The following ABCC5 variants were observed in gnomAD, a reference collection of about 807,000 sequenced individuals.
The protein encoded by ABCC5 is ATP-binding cassette sub-family C member 5.
Under a neutral mutation model 160.9 loss-of-function variants are expected in ABCC5, and 61 were observed. The ratio of observed to expected loss-of-function variants is 0.38; its 90% CI spans 0.31 to 0.47. The LOEUF (loss-of-function observed/expected upper bound fraction) is 0.47. Among genes scored for constraint, ABCC5 ranks in the 20% least tolerant of loss-of-function variants. The pLI, the probability that ABCC5 is intolerant of heterozygous loss-of-function variation, is 0.99. For missense variants in ABCC5, 1,308 were observed against 1,813.3 expected, an observed-to-expected ratio of 0.72 and a Z score of 5.06; for synonymous variants, 666 against 700.6, an observed-to-expected ratio of 0.95 and a Z score of 0.78.
At chr3:183,931,112 TA>T in intron 26 of ABCC5, among the ~76,000 whole-genome samples, 1 of 152,174 alleles carries the variant, frequency 6.6e-6, no homozygotes, top group South Asian at 2.1e-4. Context: ...ATTATAACAA[TA>T]TGCTGTAATG....
intron 24 of ABCC5, among the ~76,000 whole-genome samples, chr3:183,945,297 G>A (rs1714735570): frequency 6.6e-6 from 1 of 152,218 alleles, no homozygotes; most frequent in Admixed American, 6.5e-5. Context: ...CAAGACGGAA[G>A]GGGTTCCTGG....
chr3:183,981,078 T>G (rs1232376042), intron 8 of ABCC5, among the ~76,000 whole-genome samples: 1 of 152,234 alleles, frequency 6.6e-6, no homozygotes, highest in Non-Finnish European at 1.5e-5. Flanking sequence ...ACTCAGCTCC[T>G]GATGAGGTTA....
rs759595585 is a variant in ABCC5 at position 184,017,830 on chromosome 3, C to T, written c.-56G>A. 2 of 152,516 alleles carry T rather than the reference C, an allele frequency of 1.3e-5. No homozygotes were observed. Among genetic ancestry groups the T allele is most frequent in the Non-Finnish European group, 2.9e-5 (2 of 68,264 alleles). 9.4% of individuals were successfully genotyped at this position (152,516 alleles called of 1,614,324 possible). ...GGGTGCGGCAGCAGCCATCACCTACCTGCGCCCCTGCTCCAGGACAACCGC... is the reference window on the plus strand; with the variant it reads ...GGGTGCGGCAGCAGCCATCACCTACTTGCGCCCCTGCTCCAGGACAACCGC... On this transcript the variant is annotated splice_region_variant and 5_prime_UTR_variant, in exon 1 of 30. Coordinates refer to ENST00000334444, the MANE Select transcript of ABCC5 (RefSeq NM_005688.4). The surrounding 1 kb of genome is among the most constrained non-coding windows in gnomAD (Gnocchi z 4.5).
chr3:184,000,729 A>G (rs1720683993), intron 2 of ABCC5: 1 of 152,574 alleles, frequency 6.6e-6, no homozygotes, highest in East Asian at 1.9e-4. Flanking sequence ...GTAATATGTA[A>G]TACTACATAC....
chr3:183,943,121 C>G (rs181370424), intron 24 of ABCC5, among the ~76,000 whole-genome samples: 60 of 152,344 alleles, frequency 3.9e-4, no homozygotes, highest in African/African-American at 1.2e-3. Flanking sequence ...GGCTAAGTGT[C>G]ATGGCTACTA....
rs1209056214 is a variant in ABCC5 at position 183,987,776 on chromosome 3, A to G, written c.585T>C (p.Ser195=). 1.2e-6 allele frequency: 2 copies of G among 1,614,202 alleles called. No homozygotes were observed. Residue 195 remains serine (S), a synonymous_variant, in exon 5 of 30, where the codon AGT becomes AGC. Coordinates refer to ENST00000334444, the MANE Select transcript of ABCC5 (RefSeq NM_005688.4). This position sits in a 1 kb window ranked among gnomAD's most constrained non-coding sequence, Gnocchi z 4.2. ...CLMITQLAGF[S]GPAFMVKHLL... Reference sequence around the variant, plus strand: ...AAGGATGGTTAGAACTTACTGGTCCACTGAAGCCAGCCAGCTGCGTGATCA... The same window carrying G: ...AAGGATGGTTAGAACTTACTGGTCCGCTGAAGCCAGCCAGCTGCGTGATCA...
intron 5 of ABCC5, chr3:183,984,994 G>A (rs1719077717): frequency 2.0e-6 from 2 of 982,266 alleles, no homozygotes; most frequent in Admixed American, 2.2e-5. Context: ...CTCCCAGATG[G>A]GAGGAGCAGG....
chr3:183,978,790 G>A, intron 8 of ABCC5, 139 bp from the exon 9 acceptor site: 1 of 913,328 alleles, frequency 1.1e-6, no homozygotes, highest in Non-Finnish European at 1.6e-6. Flanking sequence ...ACTAAAGCTG[G>A]TATAAAAGGC....
intron 10 of ABCC5, among the ~76,000 whole-genome samples, chr3:183,974,273 T>C (rs1718022383): frequency 6.6e-6 from 1 of 152,196 alleles, no homozygotes; most frequent in Admixed American, 6.5e-5. Flanking sequence ...GGTTGCCAGA[T>C]AAATATAAGA....
chr3:183,941,406 A>G (rs1689384306), intron 25 of ABCC5, among the ~76,000 whole-genome samples: 1 of 152,164 alleles, frequency 6.6e-6, no homozygotes, highest in Non-Finnish European at 1.5e-5. Context: ...AAAGACCTGG[A>G]GCAATGTCTT....
chr3:184,009,138 T>A (rs1254460401), intron 2 of ABCC5, among the ~76,000 whole-genome samples: 2 of 152,234 alleles, frequency 1.3e-5, no homozygotes, highest in African/African-American at 4.8e-5. Context: ...GTGCTGGGAC[T>A]ACAGGCGTGA....
intron 2 of ABCC5, among the ~76,000 whole-genome samples, chr3:183,995,864 G>A (rs1720233573): frequency 6.6e-6 from 1 of 152,080 alleles, no homozygotes; most frequent in Admixed American, 6.6e-5. Context: ...CTGGAGTGCA[G>A]TGGTGCGACC....
intron 25 of ABCC5, among the ~76,000 whole-genome samples, chr3:183,942,151 T>C (rs1021044443): frequency 1.3e-5 from 2 of 151,938 alleles, no homozygotes; most frequent in Non-Finnish European, 2.9e-5. Context: ...GCCATTCTCC[T>C]GCCTCAGCCT....
chr3:183,940,413 T>C (rs919607710), intron 25 of ABCC5, among the ~76,000 whole-genome samples: 5 of 134,872 alleles, frequency 3.7e-5, no homozygotes, highest in East Asian at 2.4e-4. Flanking sequence ...AGAGCCGAGA[T>C]TGCACCACTG....
intron 10 of ABCC5, among the ~76,000 whole-genome samples, chr3:183,974,666 T>C (rs1718062716): frequency 6.6e-6 from 1 of 152,228 alleles, no homozygotes; most frequent in Non-Finnish European, 1.5e-5. Flanking sequence ...GTATATTCCA[T>C]GCAGTATTTC....
intron 8 of ABCC5, 150 bp from the exon 9 acceptor site, chr3:183,978,801 TGAG>T (rs1718447283): frequency 1.2e-6 from 1 of 851,190 alleles, no homozygotes; most frequent in East Asian, 2.7e-5. Flanking sequence ...TATAAAAGGC[TGAG>T]GTTTGAAATG....
chr3:183,994,209 G>C (rs1166868536), intron 2 of ABCC5, among the ~76,000 whole-genome samples: 1 of 151,984 alleles, frequency 6.6e-6, no homozygotes, highest in African/African-American at 2.4e-5. Flanking sequence ...CTCACTTCTT[G>C]TTTAACTTTT....
chr3:184,008,925 C>T (rs1172234484), intron 2 of ABCC5, among the ~76,000 whole-genome samples: 2 of 152,208 alleles, frequency 1.3e-5, no homozygotes, highest in African/African-American at 4.8e-5. Flanking sequence ...GGCACAATCA[C>T]AGCTTACTGT....
At chr3:183,925,201 T>C (rs1322472880) in intron 29 of ABCC5, among the ~76,000 whole-genome samples, 1 of 152,170 alleles carries the variant, frequency 6.6e-6, no homozygotes, top group Non-Finnish European at 1.5e-5. Context: ...GGGATGATAA[T>C]TGTGTATGTG....
Sources: gnomAD v4.1 joint callset for allele counts (sites outside exome capture counted in the v4.1 genomes callset) on GRCh38, gnomAD v4.1.1 for gene constraint, Gnocchi (gnomAD v3.1) non-coding constraint, MANE v1.5 for transcripts, NCBI Gene and HGNC (gene_info 2026-07-23, HGNC 2026-07-21) for gene names.